SMPD3: variants seen among roughly 807,000 people sequenced by gnomAD.
SMPD3 encodes sphingomyelin phosphodiesterase 3.
SMPD3 carries 21 observed loss-of-function variants against 55.7 expected under a neutral mutation model. The observed-to-expected ratio is 0.38, with a 90% confidence interval of 0.27 to 0.54. SMPD3 has a LOEUF of 0.54. Among genes scored for constraint, SMPD3 ranks in the 20% least tolerant of loss-of-function variants. The probability of loss-of-function intolerance (pLI) is 0.80; values close to 1 mark genes in which losing one functional copy is unlikely to be tolerated. For missense variants in SMPD3, 842 were observed against 899.6 expected (o/e 0.94, Z 0.82); for synonymous variants, 457 against 404.3 (o/e 1.13, Z -1.56).
At chr16:68,363,293 C>T (rs1377691111) in intron 7 of SMPD3, among the ~76,000 whole-genome samples, 1 of 152,176 alleles carries the variant, frequency 6.6e-6, no homozygotes, top group Non-Finnish European at 1.5e-5. Flanking sequence ...GCCAGTACCC[C>T]TGGGCGTGAG....
chr16:68,388,432 A>AG (rs1390025826), intron 1 of SMPD3, among the ~76,000 whole-genome samples: 1 of 152,156 alleles, frequency 6.6e-6, no homozygotes, highest in Non-Finnish European at 1.5e-5. Flanking sequence ...CCCAGGCCAC[A>AG]GGCTCACAAG....
intron 1 of SMPD3, among the ~76,000 whole-genome samples, chr16:68,421,236 C>T (rs2090390809): frequency 6.6e-6 from 1 of 152,234 alleles, no homozygotes; most frequent in Non-Finnish European, 1.5e-5. Flanking sequence ...TATCCCCATC[C>T]TCCCTCATCT....
At chr16:68,364,006 A>T (rs1465470) in intron 5 of SMPD3, 140 bp from the exon 6 acceptor site, 4 of 728,632 alleles carry the variant, frequency 5.5e-6, no homozygotes, top group South Asian at 1.9e-5. Context: ...GTGGGATCTC[A>T]GTCCCATTCA....
chr16:68,362,236 TTA>T (rs1230971446), intron 7 of SMPD3, among the ~76,000 whole-genome samples: 1 of 152,194 alleles, frequency 6.6e-6, no homozygotes, highest in Non-Finnish European at 1.5e-5. Flanking sequence ...GTGACTCTGC[TTA>T]TGTTACCAAG....
chr16:68,378,266 G>A (rs1308588341), intron 2 of SMPD3, among the ~76,000 whole-genome samples: 9 of 152,238 alleles, frequency 5.9e-5, no homozygotes, highest in Admixed American at 5.9e-4. Flanking sequence ...CTGCCTGGAT[G>A]CATGCTGCAG....
intron 2 of SMPD3, among the ~76,000 whole-genome samples, chr16:68,379,810 G>C (rs1182778452): frequency 6.6e-6 from 1 of 152,234 alleles, no homozygotes; most frequent in African/African-American, 2.4e-5. Context: ...GCAGCTCTGG[G>C]GCACTCCTTC....
chr16:68,445,603 T>C (rs1389985648), intron 1 of SMPD3, among the ~76,000 whole-genome samples: 4 of 151,898 alleles, frequency 2.6e-5, no homozygotes. Flanking sequence ...CATGGGGGAG[T>C]GTTAGTTGCC....
chr16:68,429,954 G>A (rs538829074), intron 1 of SMPD3, among the ~76,000 whole-genome samples: 3 of 152,278 alleles, frequency 2.0e-5, no homozygotes, highest in South Asian at 4.1e-4. Flanking sequence ...TGAAGACAAA[G>A]GGATAAACCC....
At chr16:68,398,088 T>G (rs2090175521) in intron 1 of SMPD3, among the ~76,000 whole-genome samples, 2 of 151,976 alleles carry the variant, frequency 1.3e-5, no homozygotes, top group Non-Finnish European at 2.9e-5. Context: ...GCGTCTGGAA[T>G]GTGCTAGGGC....
At chr16:68,362,203 T>TG (rs2089311784) in intron 7 of SMPD3, among the ~76,000 whole-genome samples, 1 of 152,142 alleles carries the variant, frequency 6.6e-6, no homozygotes, top group South Asian at 2.1e-4. Context: ...GAGTCTCAAA[T>TG]GGGGCTGTCC....
Position 68,404,091 on chromosome 16 carries a change from C to T in SMPD3, c.-268-17432G>A, listed in dbSNP as rs1452123053. 2.0e-5 allele frequency among the ~76,000 whole-genome samples: 3 copies of T among 152,054 alleles called. No homozygotes were observed. The East Asian group carries it at 5.8e-4, about 29-fold the overall frequency. On this transcript the variant is annotated intron_variant, in intron 1 of 8. Transcript: ENST00000219334. The surrounding 1 kb of genome is among the most constrained non-coding windows in gnomAD (Gnocchi z 4.0). The stretch of plus-strand genomic sequence containing the variant: ...TGTGCAGTGGTGCCATCATGGCTCA[C>T]TGCAGCCTCTGCCTCTCGGGCTCAA...
In SMPD3 at chr16:68,371,321, C is replaced by G. The variant is rs1220712513; in HGVS notation, c.861G>C (p.Gly287=). ...AGGGGCTGCCCAGGCTCCCTGAATCCCCGTCCTGCTGATTATGGTTGGGCG... is the reference window on the plus strand; with the variant it reads ...AGGGGCTGCCCAGGCTCCCTGAATCGCCGTCCTGCTGATTATGGTTGGGCG... ...GQTPNHNQQD[G]DSGSLGSPSA... The change falls in exon 3 of 9, where the codon GGG becomes GGC. Residue 287 remains glycine, a synonymous_variant. Transcript: ENST00000219334. The G allele has an allele frequency of 6.3e-7, 1 of 1,597,764 alleles. No homozygotes were observed. The highest frequency in any genetic ancestry group is 8.5e-7 in the Non-Finnish European group (1 of 1,178,578).
chr16:68,421,846 T>C (rs1473783382), intron 1 of SMPD3, among the ~76,000 whole-genome samples: 1 of 152,186 alleles, frequency 6.6e-6, no homozygotes, highest in Non-Finnish European at 1.5e-5. Context: ...CTGAAAGATG[T>C]CCATATCCTA....
At chr16:68,406,166 G>A (rs144782554) in intron 1 of SMPD3, among the ~76,000 whole-genome samples, 1 of 152,218 alleles carries the variant, frequency 6.6e-6, no homozygotes, top group African/African-American at 2.4e-5. Flanking sequence ...GAAACAATGA[G>A]GCGTAAACCA....
intron 1 of SMPD3, among the ~76,000 whole-genome samples, chr16:68,417,606 A>G (rs779997687): frequency 6.6e-5 from 10 of 152,242 alleles, no homozygotes; most frequent in Non-Finnish European, 7.3e-5. Context: ...ATACAAACAC[A>G]AACAACTGGG....
At chr16:68,413,405 G>A (rs912815276) in intron 1 of SMPD3, among the ~76,000 whole-genome samples, 1 of 152,252 alleles carries the variant, frequency 6.6e-6, no homozygotes, top group Non-Finnish European at 1.5e-5. Flanking sequence ...CCATCATGAG[G>A]AAGGGACTGG....
intron 1 of SMPD3, among the ~76,000 whole-genome samples, chr16:68,405,860 AG>A (rs1482612854): frequency 6.6e-6 from 1 of 152,156 alleles, no homozygotes; most frequent in Non-Finnish European, 1.5e-5. Flanking sequence ...CTCTCAGCTG[AG>A]CCTGATCCCT....
intron 7 of SMPD3, among the ~76,000 whole-genome samples, chr16:68,362,614 G>C (rs1401662837): frequency 5.9e-5 from 9 of 152,254 alleles, no homozygotes; most frequent in Admixed American, 3.3e-4. Context: ...CGCCAGGTCT[G>C]TGAGTGCCTG....
chr16:68,399,724 G>A (rs764752712), intron 1 of SMPD3, among the ~76,000 whole-genome samples: 7 of 152,220 alleles, frequency 4.6e-5, no homozygotes, highest in South Asian at 2.1e-4. Context: ...GCTGCTGCTC[G>A]CCTGGACTGC....
Sources: gnomAD v4.1 joint callset for allele counts (sites outside exome capture counted in the v4.1 genomes callset) on GRCh38, gnomAD v4.1.1 for gene constraint, Gnocchi (gnomAD v3.1) non-coding constraint, MANE v1.5 for transcripts, NCBI Gene and HGNC (gene_info 2026-07-23, HGNC 2026-07-21) for gene names.